Variants in FAM171B observed in about 807,000 individuals in gnomAD.
FAM171B encodes the protein family with sequence similarity 171 member B, also known as protein FAM171B.
A neutral mutation model predicts 75.6 loss-of-function variants in FAM171B; 19 were observed. The ratio of observed to expected loss-of-function variants is 0.25; its 90% CI spans 0.18 to 0.37. The LOEUF (loss-of-function observed/expected upper bound fraction) is 0.37. Among genes scored for constraint, FAM171B ranks in the 10% least tolerant of loss-of-function variants. The pLI, the probability that FAM171B is intolerant of heterozygous loss-of-function variation, is 1.00. For synonymous variants in FAM171B, 367 were observed against 361.7 expected, an observed-to-expected ratio of 1.01 and a Z score of -0.17; for missense variants, 848 against 982.4, an observed-to-expected ratio of 0.86 and a Z score of 1.83.
rs1349805355 is a variant in FAM171B, at chr2:186,761,628, A to G, written c.1286A>G (p.Asn429Ser). The G allele has an allele frequency of 5.0e-6, 8 of 1,613,372 alleles. No individual in the cohort carries two copies. The highest frequency in any genetic ancestry group is 1.3e-5 in the African/African-American group (1 of 74,986). Residue 429 changes from asparagine (N) to serine (S), a missense_variant, in exon 8 of 8, where the codon AAT becomes AGT. Asn to Ser is a conservative substitution (Grantham distance 46). Around this residue, in one of 3 missense-constraint regions of FAM171B, gnomAD observed 665 missense variants for 729.0 expected, o/e 0.91. Transcript: ENST00000304698. ...GCTGAGGACAAGTCGCAGTTATTCAATGCCAAAAACTCCTCATATAGTCCT... is the reference window on the plus strand; with the variant it reads ...GCTGAGGACAAGTCGCAGTTATTCAGTGCCAAAAACTCCTCATATAGTCCT... The part of the protein sequence containing the change: ...LKAEDKSQLF[N>S]AKNSSYSPQK...
chr2:186,758,080 A>ATATAACCTTAAAGCTTC (rs1690558439), intron 6 of FAM171B, among the ~76,000 whole-genome samples: 1 of 152,172 alleles, frequency 6.6e-6, no homozygotes, highest in African/African-American at 2.4e-5. Context: ...GCCCATTTTA[A>ATATAACCTTAAAGCTTC]TATAACCTTA....
chr2:186,694,340 A>C lies in FAM171B; in HGVS notation c.167A>C (p.Gln56Pro), dbSNP rs771718848. 44 of 1,613,152 alleles carry C rather than the reference A, an allele frequency of 2.7e-5. No homozygotes were observed. The highest frequency in any genetic ancestry group is 3.6e-5 in the Non-Finnish European group (42 of 1,179,698). Residue 56 changes from glutamine (Q) to proline (P), a missense_variant, in exon 1 of 8, where the codon CAA becomes CCA. Around this residue, in one of 3 missense-constraint regions of FAM171B, gnomAD observed 665 missense variants for 729.0 expected, o/e 0.91. Transcript: ENST00000304698. ...QQQQQQQQQQ[Q>P]KQLEEAEEER... ...CAGCAGCAACAACAACAACAACAGCAAAAGCAGCTGGAGGAGGCTGAGGAG... is the reference window on the plus strand; with the variant it reads ...CAGCAGCAACAACAACAACAACAGCCAAAGCAGCTGGAGGAGGCTGAGGAG...
In FAM171B at chr2:186,737,266, G is replaced by A. The variant is rs893228656; in HGVS notation, c.239-2962G>A. 3.9e-5 allele frequency among the ~76,000 whole-genome samples: 6 copies of A among 152,340 alleles called. No homozygotes were observed. The East Asian group carries it at 7.7e-4, about 20-fold the overall frequency. ...GGTACAAGCTCTTTCTTAGGCAGAC[G>A]TTATCAAGATCTGTACTTAAGGAGT... On this transcript the variant is annotated intron_variant, in intron 1 of 7. Coordinates refer to ENST00000304698, the MANE Select transcript of FAM171B (RefSeq NM_177454.4).
At chr2:186,744,522 T>G (rs1690338919) in intron 3 of FAM171B, among the ~76,000 whole-genome samples, 1 of 152,164 alleles carries the variant, frequency 6.6e-6, no homozygotes. Flanking sequence ...TACCAAGATA[T>G]TTGCCAGATT....
At chr2:186,736,936 T>C (rs1425838504) in intron 1 of FAM171B, among the ~76,000 whole-genome samples, 1 of 152,326 alleles carries the variant, frequency 6.6e-6, no homozygotes, top group East Asian at 1.9e-4. Context: ...ATATTTCTTA[T>C]CAGTGTACTC....
chr2:186,730,107 C>T (rs937946679), intron 1 of FAM171B, among the ~76,000 whole-genome samples: 1 of 152,132 alleles, frequency 6.6e-6, no homozygotes, highest in Non-Finnish European at 1.5e-5. Context: ...ACTACAGGCA[C>T]GTGCCACCAC....
At position 186,764,043 on chromosome 2, in the gene FAM171B, A is replaced by G. The variant is rs1170747299; in HGVS notation, c.*1220A>G. 2.0e-5 allele frequency: 3 copies of G among 152,090 alleles called. No homozygotes were observed. Among genetic ancestry groups the G allele is most frequent in the African/African-American group, 7.2e-5 (3 of 41,436 alleles). The allele number at this position is 152,090 out of a possible 1,614,324, so 9.4% of individuals were successfully genotyped here. On this transcript the variant is annotated 3_prime_UTR_variant, in exon 8 of 8. Transcript: ENST00000304698. ...TTCATTATAGCAAGCATTCAATGTGAACAACTTTTTAATTAACTCTGAATT... is the reference window on the plus strand; with the variant it reads ...TTCATTATAGCAAGCATTCAATGTGGACAACTTTTTAATTAACTCTGAATT...
chr2:186,714,704 T>C (rs1181377495), intron 1 of FAM171B, among the ~76,000 whole-genome samples: 1 of 152,222 alleles, frequency 6.6e-6, no homozygotes, highest in Non-Finnish European at 1.5e-5. Flanking sequence ...ATCTTTTTTC[T>C]CTGTGCTTTC....
chr2:186,739,348 A>C (rs1420685297), intron 1 of FAM171B, among the ~76,000 whole-genome samples: 9 of 152,218 alleles, frequency 5.9e-5, no homozygotes, highest in Admixed American at 5.9e-4. Context: ...TTAGCTTACT[A>C]TAAGTTCATA....
chr2:186,716,684 T>C (rs1166337150), intron 1 of FAM171B, among the ~76,000 whole-genome samples: 2 of 152,182 alleles, frequency 1.3e-5, no homozygotes, highest in African/African-American at 2.4e-5. Flanking sequence ...ACAATTTATA[T>C]AGGGTTCAGA....
At position 186,740,504 on chromosome 2, in the gene FAM171B, G is replaced by A. The variant is rs755848701; in HGVS notation, c.472+43G>A. On this transcript the variant is annotated intron_variant, in intron 2 of 7. Transcript: ENST00000304698. The stretch of plus-strand genomic sequence containing the variant: ...TTTTTTTTGTTTGTTTTTGCTAAAT[G>A]TAAATGAATTATTTTCTCTGTTTGG... The A allele has an allele frequency of 2.0e-6, 3 of 1,484,034 alleles. No individual in the cohort carries two copies. The East Asian group carries it at 6.9e-5, about 34-fold the overall frequency. 91.9% of individuals were successfully genotyped at this position (1,484,034 alleles called of 1,614,324 possible). A position where few individuals can be genotyped will look rare whatever the true frequency, so the allele number is the denominator to read the frequency against.
intron 5 of FAM171B, among the ~76,000 whole-genome samples, chr2:186,751,856 G>A (rs1324873216): frequency 6.6e-6 from 1 of 152,066 alleles, no homozygotes; most frequent in Non-Finnish European, 1.5e-5. Context: ...AATAAGGTAG[G>A]AGTGTAAGTT....
chr2:186,751,493 A>G (rs1274116803), intron 5 of FAM171B, among the ~76,000 whole-genome samples, 189 bp downstream of exon 5: 1 of 152,176 alleles, frequency 6.6e-6, no homozygotes, highest in Non-Finnish European at 1.5e-5. Context: ...GGGAATACAC[A>G]TGTCAAAAAA....
At chr2:186,740,659 C>T (rs1037648088) in intron 2 of FAM171B, among the ~76,000 whole-genome samples, 198 bp downstream of exon 2, 4 of 152,070 alleles carry the variant, frequency 2.6e-5, no homozygotes, top group Admixed American at 2.6e-4. Flanking sequence ...TACCCTGAGC[C>T]GGGTAGCTTG....
rs971694151 is a variant in FAM171B at position 186,704,007 on chromosome 2, G to A, written c.238+9596G>A. Reference sequence around the variant, plus strand: ...TCATGCAAGGGATTATGGTTAATTCGGTTTGTATACCTGAAGTTAAAAAAC... The same window carrying A: ...TCATGCAAGGGATTATGGTTAATTCAGTTTGTATACCTGAAGTTAAAAAAC... On this transcript the variant is annotated intron_variant, in intron 1 of 7. Coordinates refer to ENST00000304698, the MANE Select transcript of FAM171B (RefSeq NM_177454.4). Among the ~76,000 whole-genome samples the A allele has an allele frequency of 3.9e-5, 6 of 151,916 alleles. No individual in the cohort carries two copies. In the East Asian group the frequency reaches 9.7e-4, roughly 24 times the overall value.
intron 6 of FAM171B, among the ~76,000 whole-genome samples, chr2:186,757,649 T>G (rs1036276700): frequency 1.3e-5 from 2 of 152,074 alleles, no homozygotes; most frequent in Non-Finnish European, 2.9e-5. Flanking sequence ...GAGTACAGAG[T>G]TTAATAAACA....
chr2:186,710,327 C>T (rs1689793203), intron 1 of FAM171B, among the ~76,000 whole-genome samples: 1 of 152,208 alleles, frequency 6.6e-6, no homozygotes, highest in Admixed American at 6.5e-5. Context: ...GATTATGCCA[C>T]TTGCACCACC....
chr2:186,761,231 T>C lies in FAM171B; in HGVS notation c.1131T>C (p.Tyr377=). ...GATTTTTTGCTGTACTACTTTGTTA[T>C]TGCAGGTAAGAAAATGGCTATAAAC... ...VIGFFAVLLC[Y]CRDKCGTPQK... Residue 377 remains tyrosine (Y), a synonymous_variant, in exon 7 of 8, where the codon TAT becomes TAC. Transcript: ENST00000304698. The C allele has an allele frequency of 1.2e-6, 2 of 1,612,204 alleles. No individual in the cohort carries two copies. The highest frequency in any genetic ancestry group is 1.1e-5 in the South Asian group (1 of 90,718).
At position 186,763,035 on chromosome 2, in the gene FAM171B, C is replaced by A; in HGVS notation, c.*212C>A. On this transcript the variant is annotated 3_prime_UTR_variant, in exon 8 of 8. Coordinates refer to ENST00000304698, the MANE Select transcript of FAM171B (RefSeq NM_177454.4). ...CATTTATTTTTGGGTGATGAATTTA[C>A]AGTATCTAAGTTTTCAAAATGTAAA... 1 of 553,240 alleles carries A rather than the reference C, an allele frequency of 1.8e-6. No individual in the cohort carries two copies. Among genetic ancestry groups the A allele is most frequent in the Non-Finnish European group, 3.0e-6 (1 of 328,648 alleles). 34.3% of individuals were successfully genotyped at this position (553,240 alleles called of 1,614,324 possible). A position where few individuals can be genotyped will look rare whatever the true frequency, so the allele number is the denominator to read the frequency against.
Sources: allele counts gnomAD v4.1 joint callset (sites outside exome capture counted in the v4.1 genomes callset), GRCh38; gene constraint gnomAD v4.1.1; regional missense constraint gnomAD v4.1.1; transcripts MANE v1.5; gene names NCBI Gene and HGNC (gene_info 2026-07-23, HGNC 2026-07-21).